The following ASPRV1 variants were observed in gnomAD, a reference collection of about 807,000 sequenced individuals.
ASPRV1 encodes the protein aspartic peptidase retroviral like 1, also known as retroviral-like aspartic protease 1.
In ASPRV1, 7 loss-of-function variants were observed where a neutral mutation model predicts 11.0. That is an observed-to-expected ratio of 0.64 (90% CI 0.36 to 1.20). The LOEUF (loss-of-function observed/expected upper bound fraction) is 1.20. ASPRV1 is among the 50% of genes most tolerant of loss of function. The probability of loss-of-function intolerance (pLI) is 0.02; values close to 1 mark genes in which losing one functional copy is unlikely to be tolerated. For synonymous variants in ASPRV1, 136 were observed against 138.4 expected (o/e 0.98, Z 0.12); for missense variants, 299 against 320.0 (o/e 0.93, Z 0.50).
At chr2:69,990,797 T>C in the ASPRV1 span, among the ~76,000 whole-genome samples, 1 of 152,056 alleles carries the variant, frequency 6.6e-6, no homozygotes, top group South Asian at 2.1e-4. Context: ...CAAGGACACT[T>C]TCTCTCCTAC....
chr2:70,087,276 C>T, the ASPRV1 span: 8 of 152,114 alleles, frequency 5.3e-5, no homozygotes, highest in African/African-American at 1.9e-4. Flanking sequence ...CTTTGCCGGA[C>T]TCACAGCTTC....
At chr2:69,983,730 G>A in the ASPRV1 span, among the ~76,000 whole-genome samples, 1 of 152,240 alleles carries the variant, frequency 6.6e-6, no homozygotes, top group African/African-American at 2.4e-5. Flanking sequence ...GGATTCTCAT[G>A]TGCGGTGGTC....
the ASPRV1 span, among the ~76,000 whole-genome samples, chr2:69,953,227 C>A: frequency 6.6e-6 from 1 of 152,174 alleles, no homozygotes; most frequent in Admixed American, 6.5e-5. Context: ...GTGCTCTGGA[C>A]AGGGAGTTGT....
the ASPRV1 span, among the ~76,000 whole-genome samples, chr2:69,952,096 C>G: frequency 1.3e-5 from 2 of 152,194 alleles, no homozygotes; most frequent in Non-Finnish European, 2.9e-5. Flanking sequence ...GCTCCAAAGT[C>G]AAGCCGGCTT....
chr2:69,987,617 G>A, the ASPRV1 span, among the ~76,000 whole-genome samples: 1 of 151,248 alleles, frequency 6.6e-6, no homozygotes, highest in Non-Finnish European at 1.5e-5. Context: ...TAGCCGGGCA[G>A]CACATGCCTG....
chr2:70,017,330 T>G, the ASPRV1 span, among the ~76,000 whole-genome samples: 3 of 152,170 alleles, frequency 2.0e-5, no homozygotes, highest in Non-Finnish European at 4.4e-5. Context: ...TCAACAAAAT[T>G]AAACATCCTT....
chr2:69,937,400 C>A, the ASPRV1 span: 1 of 1,597,558 alleles, frequency 6.3e-7, no homozygotes, highest in South Asian at 1.1e-5. Flanking sequence ...CAGGGGTGAG[C>A]CTCTCTCACT....
chr2:69,973,445 C>T, the ASPRV1 span, among the ~76,000 whole-genome samples: 1 of 152,104 alleles, frequency 6.6e-6, no homozygotes, highest in South Asian at 2.1e-4. Flanking sequence ...GTTCATAGCT[C>T]ACTGTAACCA....
chr2:70,049,433 C>G, the ASPRV1 span: 2 of 152,062 alleles, frequency 1.3e-5, no homozygotes, highest in African/African-American at 4.8e-5. Flanking sequence ...GTAAAAATCA[C>G]TCTCCCTCCA....
At chr2:70,006,575 T>C in the ASPRV1 span, among the ~76,000 whole-genome samples, 1 of 151,934 alleles carries the variant, frequency 6.6e-6, no homozygotes, top group Non-Finnish European at 1.5e-5. Context: ...CCAAGACTCA[T>C]GGGAGCCCAG....
chr2:70,027,260 A>C, the ASPRV1 span, among the ~76,000 whole-genome samples: 1 of 55,474 alleles, frequency 1.8e-5, no homozygotes, highest in African/African-American at 1.4e-4. Context: ...CCTGTCTCTC[A>C]AAAAAAAAAA....
At chr2:70,085,098 G>A in the ASPRV1 span, among the ~76,000 whole-genome samples, 1 of 152,196 alleles carries the variant, frequency 6.6e-6, no homozygotes, top group African/African-American at 2.4e-5. Context: ...GTCAATCTCT[G>A]CAGAGAAATG....
chr2:69,944,572 C>A, the ASPRV1 span, among the ~76,000 whole-genome samples: 2 of 152,200 alleles, frequency 1.3e-5, no homozygotes, highest in Admixed American at 1.3e-4. Context: ...GGCTGCTGAG[C>A]CCCACACTCC....
At chr2:70,082,204 C>T in the ASPRV1 span, among the ~76,000 whole-genome samples, 5 of 151,786 alleles carry the variant, frequency 3.3e-5, no homozygotes, top group East Asian at 7.8e-4. Context: ...AGGCTGGTCT[C>T]GAACTCCTGA....
the ASPRV1 span, among the ~76,000 whole-genome samples, chr2:70,071,279 T>C: frequency 1.3e-5 from 2 of 152,244 alleles, no homozygotes; most frequent in South Asian, 2.1e-4. Flanking sequence ...ATTTACAAAG[T>C]AGGGAGAAGT....
the ASPRV1 span, among the ~76,000 whole-genome samples, chr2:70,081,821 G>C: frequency 3.3e-5 from 5 of 151,966 alleles, no homozygotes; most frequent in South Asian, 4.1e-4. Flanking sequence ...CTGGACTCAA[G>C]TGATCCTCCT....
At chr2:70,008,132 G>A in the ASPRV1 span, among the ~76,000 whole-genome samples, 2 of 151,808 alleles carry the variant, frequency 1.3e-5, no homozygotes, top group South Asian at 2.1e-4. Context: ...CACCGTGCCC[G>A]GTCTATTTTT....
the ASPRV1 span, among the ~76,000 whole-genome samples, chr2:70,023,231 CAGG>C: frequency 6.8e-4 from 103 of 152,186 alleles, no homozygotes; most frequent in Non-Finnish European, 1.2e-3. Flanking sequence ...AGGGCCTGAG[CAGG>C]AGTTCAGGTG....
the ASPRV1 span, among the ~76,000 whole-genome samples, chr2:70,043,524 A>AC: frequency 1.2e-4 from 19 of 152,256 alleles, no homozygotes; most frequent in East Asian, 3.5e-3. Context: ...GGGGAACTGC[A>AC]CCTTTGCATG....
Sources: allele counts gnomAD v4.1 joint callset (sites outside exome capture counted in the v4.1 genomes callset), GRCh38; gene constraint gnomAD v4.1.1; transcripts MANE v1.5; gene names NCBI Gene and HGNC (gene_info 2026-07-23, HGNC 2026-07-21).